The following RNF40 variants were observed in gnomAD, a reference collection of about 807,000 sequenced individuals.
The protein encoded by RNF40 is ring finger protein 40.
A neutral mutation model predicts 123.3 loss-of-function variants in RNF40; 39 were observed. That is an observed-to-expected ratio of 0.32 (90% CI 0.24 to 0.41). The LOEUF is 0.41. RNF40 is among the 10% of genes least tolerant of loss of function. The pLI is 1.00. For synonymous variants in RNF40, 538 were observed against 526.0 expected (o/e 1.02, Z -0.31); for missense variants, 1,003 against 1,319.9 (o/e 0.76, Z 3.72).
Position 30,766,543 on chromosome 16 carries a change from C to T in RNF40, c.1278C>T (p.His426=), listed in dbSNP as rs2054035317. The T allele has an allele frequency of 1.2e-6, 2 of 1,610,456 alleles. No homozygotes were observed. Among genetic ancestry groups the T allele is most frequent in the Middle Eastern group, 3.3e-4 (2 of 6,050 alleles). The change falls in exon 10 of 20, where the codon CAC becomes CAT. Residue 426 remains histidine (H), a synonymous_variant. Transcript: ENST00000324685. This position sits in a 1 kb window ranked among gnomAD's most constrained non-coding sequence, Gnocchi z 5.4. ...CCACAAAGAACTCCCACCTGCGACACATCGAGCACATGGAGGTATGGCCCT... is the reference window on the plus strand; with the variant it reads ...CCACAAAGAACTCCCACCTGCGACATATCGAGCACATGGAGGTATGGCCCT... ...LLATKNSHLR[H]IEHMESDELG...
At chr16:30,771,624 CAAAA>C (rs567942528) in intron 17 of RNF40, among the ~76,000 whole-genome samples, 441 of 150,408 alleles carry the variant, frequency 2.9e-3, no homozygotes, top group African/African-American at 0.01. Flanking sequence ...CTCAAAAAAA[CAAAA>C]AACAAAGAAA....
chr16:30,772,548 A>C (rs1451371428), intron 19 of RNF40, among the ~76,000 whole-genome samples: 1 of 152,240 alleles, frequency 6.6e-6, no homozygotes, highest in Non-Finnish European at 1.5e-5. Flanking sequence ...TGGGGTCAGC[A>C]GGCTTCCTGG....
intron 17 of RNF40, among the ~76,000 whole-genome samples, chr16:30,769,994 G>A (rs927902257): frequency 4.6e-5 from 7 of 152,150 alleles, no homozygotes; most frequent in Middle Eastern, 3.4e-3. Context: ...AGCTTCTCGA[G>A]CAGGCTGACA....
Position 30,766,973 on chromosome 16 carries a change from T to C in RNF40, c.1429+97T>C. 7.1e-7 allele frequency: 1 copy of C among 1,399,986 alleles called. No homozygotes were observed. The highest frequency in any genetic ancestry group is 9.6e-7 in the Non-Finnish European group (1 of 1,041,358). 86.7% of individuals were successfully genotyped at this position (1,399,986 alleles called of 1,614,324 possible). A position where few individuals can be genotyped will look rare whatever the true frequency, so the allele number is the denominator to read the frequency against. Reference sequence around the variant, plus strand: ...TATCCAGATGCAAGAGGCTAAGGCCTTTTTTTTCACAGAGCCTCGGCTTCC... The same window carrying C: ...TATCCAGATGCAAGAGGCTAAGGCCCTTTTTTTCACAGAGCCTCGGCTTCC... On this transcript the variant is annotated intron_variant, in intron 11 of 19. Transcript: ENST00000324685. This position sits in a 1 kb window ranked among gnomAD's most constrained non-coding sequence, Gnocchi z 5.4.
At position 30,771,876 on chromosome 16, in the gene RNF40, T is replaced by A. The variant is rs2054154105; in HGVS notation, c.2630T>A (p.Leu877Gln). 6.2e-7 allele frequency: 1 copy of A among 1,608,264 alleles called. No homozygotes were observed. Among genetic ancestry groups the A allele is most frequent in the South Asian group, 1.1e-5 (1 of 90,560 alleles). Residue 877 changes from leucine (L) to glutamine (Q), a missense_variant, in exon 18 of 20, where the codon CTG becomes CAG. Leu to Gln is a moderately radical substitution (Grantham distance 113, BLOSUM62 -2). This residue lies in a region of RNF40 where 121 missense variants were observed against 125.3 expected (regional missense o/e 0.97). Coordinates refer to ENST00000324685, the MANE Select transcript of RNF40 (RefSeq NM_014771.4). ...AQLAEDLKVQ[L>Q]EHVQTRLREI... ...CTGGCCGAGGACCTGAAGGTGCAGC[T>A]GGAGCACGTGCAGACTCGGCTGCGG...
chr16:30,774,401 C>G lies in RNF40; in HGVS notation c.*287C>G. The G allele has an allele frequency of 2.7e-6, 1 of 372,242 alleles. No homozygotes were observed. The highest frequency in any genetic ancestry group is 4.9e-6 in the Non-Finnish European group (1 of 204,040). The allele number at this position is 372,242 out of a possible 1,614,324, so 23.1% of individuals were successfully genotyped here. A position where few individuals can be genotyped will look rare whatever the true frequency, so the allele number is the denominator to read the frequency against. The stretch of plus-strand genomic sequence containing the variant: ...GCCCAGAGCACTTGACTGAGCTTCC[C>G]GGAAACTGGCCCTAACCTGTCTGTC... On this transcript the variant is annotated 3_prime_UTR_variant, in exon 20 of 20. Coordinates refer to ENST00000324685, the MANE Select transcript of RNF40 (RefSeq NM_014771.4).
intron 11 of RNF40, among the ~76,000 whole-genome samples, chr16:30,767,282 G>A (rs1248794334): frequency 2.0e-5 from 3 of 152,180 alleles, no homozygotes; most frequent in Non-Finnish European, 4.4e-5. Context: ...AGAGGAAGAC[G>A]AACTAGTAGA....
intron 4 of RNF40, 99 bp from the exon 5 acceptor site, chr16:30,764,080 A>T: frequency 1.1e-6 from 1 of 899,858 alleles, no homozygotes; most frequent in Non-Finnish European, 1.7e-6. Flanking sequence ...TGTGTTGATT[A>T]AGTGAACCAT....
At chr16:30,765,082 G>A (rs754760816) in intron 6 of RNF40, 23 bp downstream of exon 6, 5 of 1,612,948 alleles carry the variant, frequency 3.1e-6, no homozygotes, top group Middle Eastern at 1.7e-4. Flanking sequence ...GGGCTTTGGG[G>A]GTGTGATTAG....
intron 4 of RNF40, 79 bp downstream of exon 4, chr16:30,763,638 C>T (rs2053947005): frequency 6.9e-7 from 1 of 1,442,490 alleles, no homozygotes; most frequent in Admixed American, 2.1e-5. Flanking sequence ...GGTGTTGGGC[C>T]CCTGAATTGC....
intron 17 of RNF40, among the ~76,000 whole-genome samples, chr16:30,769,836 G>A (rs1226742677): frequency 6.6e-6 from 1 of 152,178 alleles, no homozygotes; most frequent in Admixed American, 6.5e-5. Context: ...GGTGGCTCAC[G>A]TCTGTGATCC....
Position 30,768,188 on chromosome 16 carries a change from G to C in RNF40, c.1637G>C (p.Gly546Ala), listed in dbSNP as rs2151330771. The C allele has an allele frequency of 6.2e-7, 1 of 1,613,114 alleles. No homozygotes were observed. The highest frequency in any genetic ancestry group is 1.1e-5 in the South Asian group (1 of 90,990). The change falls in exon 13 of 20, where the codon GGG (glycine) becomes GCG (alanine). Residue 546 changes from glycine to alanine, a missense_variant. Gly to Ala is a moderately conservative substitution (Grantham distance 60). Transcript: ENST00000324685. This position sits in a 1 kb window ranked among gnomAD's most constrained non-coding sequence, Gnocchi z 4.1. ...TCTGGCGTCAGTGCCCCAGCCCCAG[G>C]GAAAGAGGAGGGTGGGCCAGGCCCT... is the stretch of plus-strand genomic sequence containing the variant. Reference protein sequence around the residue: ...EDSGVSAPAPGKEEGGPGPVS... With the variant: ...EDSGVSAPAPAKEEGGPGPVS...
chr16:30,769,813 T>C (rs2054114437), intron 17 of RNF40, among the ~76,000 whole-genome samples: 1 of 152,198 alleles, frequency 6.6e-6, no homozygotes, highest in Non-Finnish European at 1.5e-5. Context: ...ATCAAGATGG[T>C]GTTTACGGGC....
chr16:30,766,887 A>C lies in RNF40; in HGVS notation c.1429+11A>C. 1 of 1,611,954 alleles carries C rather than the reference A, an allele frequency of 6.2e-7. No homozygotes were observed. Among genetic ancestry groups the C allele is most frequent in the Non-Finnish European group, 8.5e-7 (1 of 1,179,556 alleles). ...CCAACGAGCAGGCGGGTATGTGGTG[A>C]GGATAGGGCGGAGGTGGGGCCTTAT... On this transcript the variant is annotated intron_variant, in intron 11 of 19. Coordinates refer to ENST00000324685, the MANE Select transcript of RNF40 (RefSeq NM_014771.4). The surrounding 1 kb of genome is among the most constrained non-coding windows in gnomAD (Gnocchi z 5.4).
At position 30,762,644 on chromosome 16, in the gene RNF40, C is replaced by A; in HGVS notation, c.99C>A (p.Ile33=). The A allele has an allele frequency of 6.2e-7, 1 of 1,611,608 alleles. No individual in the cohort carries two copies. The highest frequency in any genetic ancestry group is 8.5e-7 in the Non-Finnish European group (1 of 1,178,970). The change falls in exon 2 of 20, where the codon ATC becomes ATA. Residue 33 remains isoleucine (I), a synonymous_variant. Coordinates refer to ENST00000324685, the MANE Select transcript of RNF40 (RefSeq NM_014771.4). Reference sequence around the variant, plus strand: ...AGGAGAAGACCACCACGACTCTTATCGAGCCCATTCGTCTTGGAGGCATCT... The same window carrying A: ...AGGAGAAGACCACCACGACTCTTATAGAGCCCATTCGTCTTGGAGGCATCT... ...SREEKTTTTL[I]EPIRLGGISS... is the part of the protein sequence containing the mutation.
At chr16:30,767,830 TGA>T in intron 11 of RNF40, 62 bp from the exon 12 acceptor site, 1 of 1,610,126 alleles carries the variant, frequency 6.2e-7, no homozygotes, top group Non-Finnish European at 8.5e-7. Context: ...CTTACCCCAC[TGA>T]GGGGTTGGAG....
In RNF40 at chr16:30,768,516, C is replaced by G. The variant is rs751362270; in HGVS notation, c.1965C>G (p.Leu655=). The G allele has an allele frequency of 6.8e-6, 11 of 1,610,474 alleles. No individual in the cohort carries two copies. In the East Asian group the frequency reaches 8.9e-5, roughly 13 times the overall value. The change falls in exon 13 of 20, where the codon CTC becomes CTG. Residue 655 remains leucine (L), a synonymous_variant. Transcript: ENST00000324685. The surrounding 1 kb of genome is among the most constrained non-coding windows in gnomAD (Gnocchi z 4.1). ...AGGAATCAGAACTCCTCAAGGGTCTCCGAGCAGAGCTCAAGTGAGGCTCTG... is the reference window on the plus strand; with the variant it reads ...AGGAATCAGAACTCCTCAAGGGTCTGCGAGCAGAGCTCAAGTGAGGCTCTG... ...KRKESELLKG[L]RAELKKAQES... is the part of the protein sequence containing the mutation.
intron 17 of RNF40, among the ~76,000 whole-genome samples, chr16:30,771,609 T>G (rs898492487): frequency 2.0e-5 from 3 of 151,028 alleles, no homozygotes; most frequent in African/African-American, 7.3e-5. Context: ...AGAGTAAGAC[T>G]CCGTCTCAAA....
At chr16:30,764,034 T>C (rs1361686298) in intron 4 of RNF40, 145 bp from the exon 5 acceptor site, 3 of 664,772 alleles carry the variant, frequency 4.5e-6, no homozygotes, top group Non-Finnish European at 5.0e-6. Flanking sequence ...TTCATTTGTC[T>C]CACTTTCAGG....
Sources: gnomAD v4.1 joint callset for allele counts (sites outside exome capture counted in the v4.1 genomes callset) on GRCh38, gnomAD v4.1.1 for gene constraint, gnomAD v4.1.1 regional missense constraint, Gnocchi (gnomAD v3.1) non-coding constraint, MANE v1.5 for transcripts, NCBI Gene and HGNC (gene_info 2026-07-23, HGNC 2026-07-21) for gene names.